Variants in SLC13A2 observed in about 807,000 individuals in gnomAD.
SLC13A2 encodes the protein Na(+)-coupled citrate transporter.
SLC13A2 carries 40 observed loss-of-function variants against 58.5 expected under a neutral mutation model. That is an observed-to-expected ratio of 0.68 (90% confidence interval 0.53 to 0.89). SLC13A2 has a LOEUF of 0.89. Among genes scored for constraint, SLC13A2 ranks in the 40% least tolerant of loss-of-function variants. The pLI is 0.00. For missense variants in SLC13A2, 694 were observed against 772.6 expected (o/e 0.90, Z 1.21); for synonymous variants, 341 against 331.6 (o/e 1.03, Z -0.31).
chr17:28,474,424 G>T (rs1297803447), intron 1 of SLC13A2, among the ~76,000 whole-genome samples: 2 of 152,078 alleles, frequency 1.3e-5, no homozygotes, highest in African/African-American at 2.4e-5. Flanking sequence ...AGGCGTCACT[G>T]CCTCCTCCTC....
rs376703433 is a variant in SLC13A2 at position 28,477,262 on chromosome 17, T to C, written c.102+3448T>C. Among the ~76,000 whole-genome samples the C allele has an allele frequency of 1.6e-3, 229 of 147,042 alleles. 1 individual carries two copies. The highest frequency in any genetic ancestry group is 9.0e-3 in the East Asian group (44 of 4,904). ...AGGCTGGAGTGCAGTGGCACAATCT[T>C]GGCTCACTGCAAGCTCCGCCTCCCA... On this transcript the variant is annotated intron_variant, in intron 1 of 11. Coordinates refer to ENST00000314669, the MANE Select transcript of SLC13A2 (RefSeq NM_003984.4).
chr17:28,483,016 G>A (rs1442085877), intron 1 of SLC13A2, among the ~76,000 whole-genome samples: 1 of 152,226 alleles, frequency 6.6e-6, no homozygotes, highest in African/African-American at 2.4e-5. Context: ...CAGTGGGAGT[G>A]TCCCCCATGT....
At chr17:28,476,555 C>G (rs1312606551) in intron 1 of SLC13A2, among the ~76,000 whole-genome samples, 2 of 152,080 alleles carry the variant, frequency 1.3e-5, no homozygotes, top group Non-Finnish European at 2.9e-5. Context: ...CACTCTCCCC[C>G]ACCCTCACCA....
chr17:28,478,611 GC>G (rs1386397264), intron 1 of SLC13A2, among the ~76,000 whole-genome samples: 4 of 152,170 alleles, frequency 2.6e-5, no homozygotes, highest in African/African-American at 9.7e-5. Flanking sequence ...AGATGTAGGG[GC>G]CAGGAATAGT....
Position 28,494,982 on chromosome 17 carries a change from T to C in SLC13A2, c.1308+470T>C, listed in dbSNP as rs939827484. On this transcript the variant is annotated intron_variant, in intron 9 of 11. Transcript: ENST00000314669. This position sits in a 1 kb window ranked among gnomAD's most constrained non-coding sequence, Gnocchi z 4.0. Reference sequence around the variant, plus strand: ...AAAGAGGGAAATCCCTGACACGGCATCCCTGGGCCTCCGTGTTCTGGCTCA... The same window carrying C: ...AAAGAGGGAAATCCCTGACACGGCACCCCTGGGCCTCCGTGTTCTGGCTCA... Among the ~76,000 whole-genome samples, 2 of 152,124 alleles carry C rather than the reference T, an allele frequency of 1.3e-5. No individual in the cohort carries two copies. The highest frequency in any genetic ancestry group is 3.9e-4 in the East Asian group (2 of 5,182).
At position 28,490,692 on chromosome 17, in the gene SLC13A2, C is replaced by A; in HGVS notation, c.369-9C>A. The A allele has an allele frequency of 6.2e-7, 1 of 1,606,642 alleles. No individual in the cohort carries two copies. The highest frequency in any genetic ancestry group is 1.3e-5 in the African/African-American group (1 of 74,940). On this transcript the variant is annotated splice_polypyrimidine_tract_variant and intron_variant, in intron 3 of 11. Coordinates refer to ENST00000314669, the MANE Select transcript of SLC13A2 (RefSeq NM_003984.4). ...TGGAACAGCAGTGTGTCTGTCTGCC[C>A]ATCCCTAGGCTAATCCTGGGCTTCA... is the stretch of plus-strand genomic sequence containing the variant.
intron 5 of SLC13A2, 26 bp downstream of exon 5, chr17:28,491,643 TGGG>T: frequency 6.2e-7 from 1 of 1,609,920 alleles, no homozygotes. Flanking sequence ...TGGGCCACCT[TGGG>T]GGATCTGCAC....
chr17:28,487,654 A>G (rs1206972310), intron 1 of SLC13A2: 18 of 845,046 alleles, frequency 2.1e-5, no homozygotes, highest in Non-Finnish European at 2.4e-5. Context: ...CCTTAGTCCA[A>G]GGGGAGGGTA....
chr17:28,495,867 C>A (rs1320766459), intron 10 of SLC13A2, 51 bp downstream of exon 10: 2 of 1,583,186 alleles, frequency 1.3e-6, no homozygotes, highest in Admixed American at 1.7e-5. Context: ...CTGCCTGCCC[C>A]ACCAGGGGTT....
In SLC13A2 at chr17:28,496,444, C is replaced by T; in HGVS notation, c.1471-6C>T. The T allele has an allele frequency of 1.3e-6, 2 of 1,599,006 alleles. No individual in the cohort carries two copies. Among genetic ancestry groups the T allele is most frequent in the Non-Finnish European group, 8.5e-7 (1 of 1,170,372 alleles). The stretch of plus-strand genomic sequence containing the variant: ...TTCAGCTCTGCGCCACTGCCTCCCA[C>T]TCCAGGCCCAGGCCATCTGCCTCCA... On this transcript the variant is annotated splice_polypyrimidine_tract_variant and splice_region_variant and intron_variant, in intron 10 of 11. Coordinates refer to ENST00000314669, the MANE Select transcript of SLC13A2 (RefSeq NM_003984.4). This position sits in a 1 kb window ranked among gnomAD's most constrained non-coding sequence, Gnocchi z 4.2.
intron 1 of SLC13A2, among the ~76,000 whole-genome samples, chr17:28,477,142 A>G (rs1259961747): frequency 6.6e-6 from 1 of 151,164 alleles, no homozygotes; most frequent in Non-Finnish European, 1.5e-5. Flanking sequence ...TCTGGGTGAC[A>G]GAGCAAGACT....
chr17:28,477,202 T>G (rs1555600117), intron 1 of SLC13A2, among the ~76,000 whole-genome samples: 1 of 145,274 alleles, frequency 6.9e-6, no homozygotes, highest in East Asian at 2.0e-4. Context: ...TGTTTTTTTT[T>G]TTTTTTTTTG....
At chr17:28,495,859 G>A (rs1203104461) in intron 10 of SLC13A2, 43 bp downstream of exon 10, 9 of 1,591,096 alleles carry the variant, frequency 5.7e-6, no homozygotes, top group Non-Finnish European at 7.7e-6. Flanking sequence ...CAGCCCGCCT[G>A]CCTGCCCCAC....
In SLC13A2 at chr17:28,488,477, G is replaced by A. The variant is rs569266793; in HGVS notation, c.103-737G>A. Among the ~76,000 whole-genome samples the A allele has an allele frequency of 2.3e-4, 35 of 152,324 alleles. No homozygotes were observed. In the South Asian group the frequency reaches 6.8e-3, roughly 30 times the overall value. On this transcript the variant is annotated intron_variant, in intron 1 of 11. Transcript: ENST00000314669. ...AGCCCTGGGAGAGGCTCTATAAGGG[G>A]GGTGGGCCTCCATTCTTGCCCCAGG...
In SLC13A2 at chr17:28,489,245, T is replaced by C; in HGVS notation, c.134T>C (p.Met45Thr). ...TACTGCGCGTATGCCATCATCCTCA[T>C]GGCGCTCTTCTGGTGCACTGAGGCC... is the stretch of plus-strand genomic sequence containing the variant. ...EAYCAYAIIL[M>T]ALFWCTEALP... Residue 45 changes from methionine (M) to threonine (T), a missense_variant, in exon 2 of 12, where the codon ATG becomes ACG. Met to Thr is a moderately conservative substitution (Grantham distance 81, BLOSUM62 -1). Transcript: ENST00000314669. 1.2e-6 allele frequency: 2 copies of C among 1,614,052 alleles called. No individual in the cohort carries two copies. The highest frequency in any genetic ancestry group is 1.7e-6 in the Non-Finnish European group (2 of 1,180,030).
intron 1 of SLC13A2, among the ~76,000 whole-genome samples, chr17:28,475,732 C>T (rs2068659605): frequency 6.6e-6 from 1 of 152,180 alleles, no homozygotes; most frequent in African/African-American, 2.4e-5. Flanking sequence ...CCGTCTTTGC[C>T]GTGCTGTCTT....
At chr17:28,484,639 G>A (rs1465804110) in intron 1 of SLC13A2, among the ~76,000 whole-genome samples, 1 of 152,180 alleles carries the variant, frequency 6.6e-6, no homozygotes, top group Admixed American at 6.6e-5. Context: ...AGATCACTCT[G>A]GCTGCAGCAA....
intron 1 of SLC13A2, among the ~76,000 whole-genome samples, chr17:28,488,138 T>C (rs2068921595): frequency 6.6e-6 from 1 of 152,072 alleles, no homozygotes; most frequent in Admixed American, 6.6e-5. Context: ...TTCCTAAGAG[T>C]TGCTGAATAA....
At position 28,493,228 on chromosome 17, in the gene SLC13A2, G is replaced by A. The variant is rs566886787; in HGVS notation, c.879-343G>A. Among the ~76,000 whole-genome samples, 52 of 152,236 alleles carry A rather than the reference G, an allele frequency of 3.4e-4. 1 individual carries two copies. In the South Asian group the frequency reaches 0.01, roughly 30 times the overall value. ...CAGAGGAGGGAAGGGAGGACTTCCC[G>A]AAGGCTGTTGGAGGAGAAGAGCTGT... is the stretch of plus-strand genomic sequence containing the variant. On this transcript the variant is annotated intron_variant, in intron 6 of 11. Transcript: ENST00000314669.
Sources: allele counts gnomAD v4.1 joint callset (sites outside exome capture counted in the v4.1 genomes callset), GRCh38; gene constraint gnomAD v4.1.1; non-coding constraint Gnocchi (gnomAD v3.1); transcripts MANE v1.5; gene names NCBI Gene and HGNC (gene_info 2026-07-23, HGNC 2026-07-21).